Variants in CTNND2 observed in about 807,000 individuals in gnomAD.
CTNND2 encodes catenin delta 2.
CTNND2 carries 22 observed loss-of-function variants against 144.4 expected under a neutral mutation model. The ratio of observed to expected loss-of-function variants is 0.15; its 90% confidence interval spans 0.11 to 0.22. The LOEUF is 0.22. Among genes scored for constraint, CTNND2 ranks in the 10% least tolerant of loss-of-function variants. The pLI, the probability that CTNND2 is intolerant of heterozygous loss-of-function variation, is 1.00. For synonymous variants in CTNND2, 751 were observed against 695.6 expected, an observed-to-expected ratio of 1.08 and a Z score of -1.25; for missense variants, 1,353 against 1,618.8, an observed-to-expected ratio of 0.84 and a Z score of 2.82.
intron 21 of CTNND2, among the ~76,000 whole-genome samples, chr5:10,976,979 TC>T (rs1292332350): frequency 1.3e-5 from 2 of 152,200 alleles, no homozygotes; most frequent in Non-Finnish European, 2.9e-5. Flanking sequence ...GATTACTGGG[TC>T]CCACTCCAGA....
intron 2 of CTNND2, among the ~76,000 whole-genome samples, chr5:11,707,042 C>T (rs1051151669): frequency 6.6e-6 from 1 of 150,566 alleles, no homozygotes; most frequent in African/African-American, 2.4e-5. Context: ...GCCGAGATCA[C>T]GCCACTGCAC....
At chr5:11,411,508 C>A (rs779673927) in intron 5 of CTNND2, 28 bp downstream of exon 5, 3 of 1,142,348 alleles carry the variant, frequency 2.6e-6, no homozygotes, top group Non-Finnish European at 4.0e-6. Flanking sequence ...TTTCAACTAT[C>A]TTCAAGCATA....
At chr5:11,592,195 C>T (rs552351156) in intron 2 of CTNND2, among the ~76,000 whole-genome samples, 3 of 149,272 alleles carry the variant, frequency 2.0e-5, no homozygotes, top group African/African-American at 7.4e-5. Context: ...TTCCTGCCTG[C>T]CTGCCTTCCT....
rs1758839169 is a variant in CTNND2, at chr5:11,162,198, C to T, written c.1976-2439G>A. 3.3e-5 allele frequency among the ~76,000 whole-genome samples: 5 copies of T among 152,046 alleles called. No homozygotes were observed. In the South Asian group the frequency reaches 1.0e-3, roughly 32 times the overall value. On this transcript the variant is annotated intron_variant, in intron 11 of 21. Coordinates refer to ENST00000304623, the MANE Select transcript of CTNND2 (RefSeq NM_001332.4). Reference sequence around the variant, plus strand: ...AAACAAACAAAATAGCAGAGAGAAACCTTTGCATTTTTTTACATGCAGTGA... The same window carrying T: ...AAACAAACAAAATAGCAGAGAGAAATCTTTGCATTTTTTTACATGCAGTGA...
intron 1 of CTNND2, among the ~76,000 whole-genome samples, chr5:11,795,942 G>A (rs536377182): frequency 8.5e-4 from 129 of 152,336 alleles, no homozygotes; most frequent in Admixed American, 2.8e-3. Flanking sequence ...TTCTTTCCTG[G>A]ATGATCTGGC....
At chr5:11,531,354 G>A (rs113515871) in intron 3 of CTNND2, among the ~76,000 whole-genome samples, 1,624 of 152,206 alleles carry the variant, frequency 0.011, 16 homozygotes, top group Admixed American at 0.019. Flanking sequence ...GGCTGGGCAC[G>A]GTGGCTCAGG....
intron 9 of CTNND2, among the ~76,000 whole-genome samples, chr5:11,332,211 G>A (rs1561231784): frequency 6.6e-6 from 1 of 151,232 alleles, no homozygotes; most frequent in Non-Finnish European, 1.5e-5. Context: ...GGAGGCGGAG[G>A]TTTCGGTGAG....
At chr5:11,548,412 T>G (rs574082258) in intron 3 of CTNND2, among the ~76,000 whole-genome samples, 4 of 152,354 alleles carry the variant, frequency 2.6e-5, no homozygotes, top group African/African-American at 9.6e-5. Context: ...CAATAGTACA[T>G]ATCATAGATT....
At chr5:11,789,292 A>G (rs955658481) in intron 1 of CTNND2, among the ~76,000 whole-genome samples, 1 of 152,160 alleles carries the variant, frequency 6.6e-6, no homozygotes, top group Non-Finnish European at 1.5e-5. Context: ...CCACTCCTGA[A>G]AAATCTTCTT....
intron 2 of CTNND2, among the ~76,000 whole-genome samples, chr5:11,651,254 GT>G (rs745494747): frequency 2.0e-5 from 3 of 152,194 alleles, no homozygotes; most frequent in Non-Finnish European, 4.4e-5. Context: ...TGCTCCAGAG[GT>G]TGCAAAACAG....
chr5:11,663,239 T>C (rs1353727040), intron 2 of CTNND2, among the ~76,000 whole-genome samples: 2 of 152,192 alleles, frequency 1.3e-5, no homozygotes, highest in Admixed American at 1.3e-4. Context: ...TGATAAAAAT[T>C]AGATCACCCT....
At position 11,146,530 on chromosome 5, in the gene CTNND2, T is replaced by C. The variant is rs542248205; in HGVS notation, c.2159+13046A>G. ...AAATTGGAAAAAAAGACATAATATA[T>C]CATTTATGATGCTATCCTGAGAATT... On this transcript the variant is annotated intron_variant, in intron 12 of 21. Coordinates refer to ENST00000304623, the MANE Select transcript of CTNND2 (RefSeq NM_001332.4). Among the ~76,000 whole-genome samples the C allele has an allele frequency of 1.8e-4, 28 of 152,342 alleles. No individual in the cohort carries two copies. In the East Asian group the frequency reaches 5.0e-3, roughly 27 times the overall value.
intron 3 of CTNND2, among the ~76,000 whole-genome samples, chr5:11,432,641 T>C (rs1581183204): frequency 6.6e-6 from 1 of 152,144 alleles, no homozygotes; most frequent in Non-Finnish European, 1.5e-5. Flanking sequence ...TTTGAGAATC[T>C]TTCAGAAAGA....
At chr5:11,459,204 C>T (rs1329066983) in intron 3 of CTNND2, among the ~76,000 whole-genome samples, 2 of 152,138 alleles carry the variant, frequency 1.3e-5, no homozygotes, top group Admixed American at 6.5e-5. Context: ...TGTTATATTA[C>T]CATTTACAGA....
chr5:11,332,397 G>A (rs1036068510), intron 9 of CTNND2, among the ~76,000 whole-genome samples: 8 of 151,980 alleles, frequency 5.3e-5, no homozygotes, highest in Non-Finnish European at 1.0e-4. Context: ...TCTCCTGCTC[G>A]TCCATGCAGC....
intron 16 of CTNND2, among the ~76,000 whole-genome samples, chr5:11,068,317 G>C (rs1747841206): frequency 1.3e-5 from 2 of 152,190 alleles, no homozygotes; most frequent in African/African-American, 4.8e-5. Flanking sequence ...AGGCTCAGGT[G>C]ATTCCACCGT....
intron 1 of CTNND2, among the ~76,000 whole-genome samples, chr5:11,869,995 A>G (rs1795953390): frequency 6.6e-6 from 1 of 152,230 alleles, no homozygotes; most frequent in Non-Finnish European, 1.5e-5. Flanking sequence ...AGAGGCCTTG[A>G]AGAAGCATGA....
chr5:11,085,395 C>G (rs10068323), intron 15 of CTNND2, among the ~76,000 whole-genome samples: 186 of 152,300 alleles, frequency 1.2e-3, no homozygotes, highest in African/African-American at 4.3e-3. Context: ...CCAATGTTAT[C>G]ACAGTAAATG....
intron 3 of CTNND2, among the ~76,000 whole-genome samples, chr5:11,422,545 C>T (rs534532795): frequency 7.2e-5 from 11 of 152,338 alleles, no homozygotes; most frequent in South Asian, 4.1e-4. Flanking sequence ...TCCCACACCA[C>T]GGCCTGGACA....
Sources: gnomAD v4.1 joint callset for allele counts (sites outside exome capture counted in the v4.1 genomes callset) on GRCh38, gnomAD v4.1.1 for gene constraint, MANE v1.5 for transcripts, NCBI Gene and HGNC (gene_info 2026-07-23, HGNC 2026-07-21) for gene names.